The following PCLO variants were observed in gnomAD, a reference collection of about 807,000 sequenced individuals.
PCLO encodes piccolo presynaptic cytomatrix protein.
PCLO carries 82 observed loss-of-function variants against 427.5 expected under a neutral mutation model. The observed-to-expected ratio is 0.19, with a 90% confidence interval of 0.16 to 0.23. The LOEUF is 0.23. Among genes scored for constraint, PCLO ranks in the 10% least tolerant of loss-of-function variants. PCLO has a pLI of 1.00. For synonymous variants in PCLO, 2,357 were observed against 2,155.4 expected, an observed-to-expected ratio of 1.09 and a Z score of -2.59; for missense variants, 6,239 against 6,115.9, an observed-to-expected ratio of 1.02 and a Z score of -0.67.
chr7:83,130,224 C>T (rs575353685), intron 3 of PCLO, among the ~76,000 whole-genome samples: 12 of 152,172 alleles, frequency 7.9e-5, no homozygotes, highest in African/African-American at 1.7e-4. Flanking sequence ...GTGTTGTCCA[C>T]GCTGGAGTGT....
chr7:82,769,477 C>T (rs1372132085), intron 22 of PCLO, among the ~76,000 whole-genome samples: 1 of 152,068 alleles, frequency 6.6e-6, no homozygotes, highest in Non-Finnish European at 1.5e-5. Flanking sequence ...TACCACTTAA[C>T]TGGACATAGT....
At chr7:82,945,835 A>C (rs942113408) in intron 6 of PCLO, among the ~76,000 whole-genome samples, 1 of 152,212 alleles carries the variant, frequency 6.6e-6, no homozygotes, top group Non-Finnish European at 1.5e-5. Context: ...TGGAGATTTA[A>C]ACTGGAATTT....
intron 22 of PCLO, among the ~76,000 whole-genome samples, chr7:82,788,224 T>C (rs1465262475): frequency 6.8e-6 from 1 of 147,536 alleles, no homozygotes; most frequent in East Asian, 1.9e-4. Flanking sequence ...TTAATAATTA[T>C]ATATAATATA....
intron 10 of PCLO, among the ~76,000 whole-genome samples, chr7:82,875,380 C>T (rs532015529): frequency 1.3e-3 from 192 of 152,134 alleles, no homozygotes; most frequent in African/African-American, 4.6e-3. Context: ...TTCTCTAAAA[C>T]ATAACATTCT....
In PCLO at chr7:82,967,653, G is replaced by A. The variant is rs184218919; in HGVS notation, c.3301-1166C>T. On this transcript the variant is annotated intron_variant, in intron 3 of 24. Coordinates refer to ENST00000333891, the MANE Select transcript of PCLO (RefSeq NM_033026.6). ...TTTGATAAACTGGTTGAGAATTTTT[G>A]CAAAGTAAATACTAAAAACTACTCT... 4.6e-5 allele frequency among the ~76,000 whole-genome samples: 7 copies of A among 152,252 alleles called. No homozygotes were observed. The East Asian group carries it at 1.4e-3, about 29-fold the overall frequency.
rs1791709267 is a variant in PCLO, at chr7:83,135,664, T to G, written c.1894-8A>C. The G allele has an allele frequency of 6.5e-7, 1 of 1,547,490 alleles. No homozygotes were observed. The highest frequency in any genetic ancestry group is 2.0e-5 in the Admixed American group (1 of 49,306). ...ACAGAGCCACTCTTTTACCTACAAA[T>G]AATATAAAACAATGGTCACCGAGAC... On this transcript the variant is annotated splice_polypyrimidine_tract_variant and splice_region_variant and intron_variant, in intron 2 of 24. Transcript: ENST00000333891.
chr7:82,780,353 T>C (rs73706705), intron 22 of PCLO, among the ~76,000 whole-genome samples: 1 of 152,202 alleles, frequency 6.6e-6, no homozygotes, highest in Admixed American at 6.5e-5. Context: ...AGAACGTTTG[T>C]TCTGTGGACT....
chr7:83,156,218 T>A lies in PCLO; in HGVS notation c.423A>T (p.Arg141Ser). ...STISLKESKS[R>S]TDLKEEHKSS... is the part of the protein sequence containing the mutation. ...ACTTGTGCTCTTCCTTTAAATCAGT[T>A]CTGGACTTTGATTCTTTCAAGCTAA... Residue 141 changes from arginine to serine, a missense_variant, in exon 2 of 25, where the codon AGA (arginine) becomes AGT (serine). This residue lies in a region of PCLO where 4,677 missense variants were observed against 4,468.4 expected (regional missense o/e 1.05). Coordinates refer to ENST00000333891, the MANE Select transcript of PCLO (RefSeq NM_033026.6). 6.2e-7 allele frequency: 1 copy of A among 1,613,806 alleles called. No individual in the cohort carries two copies. The highest frequency in any genetic ancestry group is 8.5e-7 in the Non-Finnish European group (1 of 1,179,812).
rs189172360 is a variant in PCLO, at chr7:82,755,061, A to G, written c.*3514T>C. The G allele has an allele frequency of 2.0e-5, 3 of 152,220 alleles. No homozygotes were observed. Among genetic ancestry groups the G allele is most frequent in the African/African-American group, 7.2e-5 (3 of 41,556 alleles). 9.4% of individuals were successfully genotyped at this position (152,220 alleles called of 1,614,324 possible). A position where few individuals can be genotyped will look rare whatever the true frequency, so the allele number is the denominator to read the frequency against. ...TAATAAATTGGGCACAATATAATAT[A>G]TACTTTTATTTTACTTCACATCACC... On this transcript the variant is annotated 3_prime_UTR_variant, in exon 25 of 25. Coordinates refer to ENST00000333891, the MANE Select transcript of PCLO (RefSeq NM_033026.6).
intron 16 of PCLO, among the ~76,000 whole-genome samples, chr7:82,831,588 A>G (rs1031413914): frequency 6.6e-6 from 1 of 152,154 alleles, no homozygotes; most frequent in African/African-American, 2.4e-5. Flanking sequence ...TACTTATTGT[A>G]AATACTGATG....
Position 82,986,724 on chromosome 7 carries a change from T to C in PCLO, c.3301-20237A>G, listed in dbSNP as rs566884510. Among the ~76,000 whole-genome samples, 4 of 152,064 alleles carry C rather than the reference T, an allele frequency of 2.6e-5. No homozygotes were observed. The South Asian group carries it at 6.2e-4, about 24-fold the overall frequency. ...GTTGAGTTGATGTCTAAAATGGGGATAGATTGATGAAGGAAATTCATAATT... is the reference window on the plus strand; with the variant it reads ...GTTGAGTTGATGTCTAAAATGGGGACAGATTGATGAAGGAAATTCATAATT... On this transcript the variant is annotated intron_variant, in intron 3 of 24. Coordinates refer to ENST00000333891, the MANE Select transcript of PCLO (RefSeq NM_033026.6).
chr7:83,073,203 A>T (rs901061804), intron 3 of PCLO, among the ~76,000 whole-genome samples: 2 of 152,068 alleles, frequency 1.3e-5, no homozygotes, highest in East Asian at 1.9e-4. Context: ...ATACAATATT[A>T]AAAAATTAGA....
intron 2 of PCLO, among the ~76,000 whole-genome samples, chr7:83,137,566 G>A (rs962798508): frequency 6.6e-6 from 1 of 152,056 alleles, no homozygotes; most frequent in Non-Finnish European, 1.5e-5. Flanking sequence ...GGGTAGCTGG[G>A]ACTATAGGCG....
chr7:83,014,773 G>A (rs996421884), intron 3 of PCLO, among the ~76,000 whole-genome samples: 3 of 152,198 alleles, frequency 2.0e-5, no homozygotes, highest in African/African-American at 7.2e-5. Context: ...GTCAAATTAT[G>A]TAACTAACAC....
At position 82,952,191 on chromosome 7, in the gene PCLO, G is replaced by C. The variant is rs760547465; in HGVS notation, c.8762C>G (p.Thr2921Ser). Residue 2921 changes from threonine (T) to serine (S), a missense_variant, in exon 5 of 25, where the codon ACC becomes AGC. Transcript: ENST00000333891. ...TMDESTSSVM[T>S]KIIEDEKPVD... is the part of the protein sequence containing the mutation. ...GGGTTTTTCATCTTCTATTATTTTGGTCATCACACTTGAAGTAGACTCATC... is the reference window on the plus strand; with the variant it reads ...GGGTTTTTCATCTTCTATTATTTTGCTCATCACACTTGAAGTAGACTCATC... 5.0e-6 allele frequency: 8 copies of C among 1,613,192 alleles called. No homozygotes were observed. The highest frequency in any genetic ancestry group is 2.7e-5 in the African/African-American group (2 of 74,756).
At chr7:82,834,838 T>G in intron 16 of PCLO, among the ~76,000 whole-genome samples, 1 of 152,222 alleles carries the variant, frequency 6.6e-6, no homozygotes, top group East Asian at 1.9e-4. Context: ...AAGCCAATTA[T>G]GGCATCCTAC....
chr7:82,917,757 C>T (rs768744206), intron 6 of PCLO, among the ~76,000 whole-genome samples: 2 of 151,778 alleles, frequency 1.3e-5, no homozygotes, highest in Non-Finnish European at 2.9e-5. Flanking sequence ...AAGATGCTTC[C>T]TTTTCTTTTC....
intron 3 of PCLO, among the ~76,000 whole-genome samples, chr7:82,998,322 G>C (rs1787683165): frequency 6.6e-6 from 1 of 151,762 alleles, no homozygotes; most frequent in Non-Finnish European, 1.5e-5. Context: ...CAGGCAGGGG[G>C]AAAGGAAAAG....
intron 22 of PCLO, among the ~76,000 whole-genome samples, chr7:82,796,938 G>A (rs1791235816): frequency 6.6e-6 from 1 of 151,394 alleles, no homozygotes; most frequent in Admixed American, 6.6e-5. Flanking sequence ...AATCAACTTT[G>A]GAAATATAAG....
Sources: gnomAD v4.1 joint callset for allele counts (sites outside exome capture counted in the v4.1 genomes callset) on GRCh38, gnomAD v4.1.1 for gene constraint, gnomAD v4.1.1 regional missense constraint, MANE v1.5 for transcripts, NCBI Gene and HGNC (gene_info 2026-07-23, HGNC 2026-07-21) for gene names.